The following FBXL17 variants were observed in gnomAD, a reference collection of about 807,000 sequenced individuals.
FBXL17 encodes F-box/LRR-repeat protein 17.
A neutral mutation model predicts 66.2 loss-of-function variants in FBXL17; 22 were observed. The observed-to-expected ratio is 0.33, with a 90% CI of 0.24 to 0.47. The LOEUF (loss-of-function observed/expected upper bound fraction) is 0.47, where lower values mean the gene tolerates loss of function less well. FBXL17 is among the 20% of genes least tolerant of loss of function. FBXL17 has a pLI of 1.00. For missense variants in FBXL17, 878 were observed against 948.2 expected, an observed-to-expected ratio of 0.93 and a Z score of 0.97; for synonymous variants, 474 against 400.5, an observed-to-expected ratio of 1.18 and a Z score of -2.19.
chr5:108,043,055 ACG>A (rs1374235882), intron 6 of FBXL17, among the ~76,000 whole-genome samples: 2 of 152,170 alleles, frequency 1.3e-5, no homozygotes, highest in Non-Finnish European at 2.9e-5. Context: ...TATGTCATTT[ACG>A]CATTTTCTAA....
At chr5:108,170,079 T>C (rs762436758) in intron 6 of FBXL17, among the ~76,000 whole-genome samples, 10 of 152,134 alleles carry the variant, frequency 6.6e-5, no homozygotes, top group Non-Finnish European at 1.3e-4. Flanking sequence ...TATTCACACA[T>C]AGCAAAATAT....
chr5:108,194,916 T>G (rs1471947735), intron 5 of FBXL17, among the ~76,000 whole-genome samples: 1 of 152,226 alleles, frequency 6.6e-6, no homozygotes, highest in Non-Finnish European at 1.5e-5. Flanking sequence ...TGGTAACCAC[T>G]GCTCTGGTGC....
In FBXL17 at chr5:108,154,614, TATACACAC is replaced by T. The variant is rs1234752217; in HGVS notation, c.1745+31495_1745+31502del. Among the ~76,000 whole-genome samples the T allele has an allele frequency of 2.6e-3, 251 of 98,292 alleles. 3 individuals are homozygous for T. The highest frequency in any genetic ancestry group is 8.9e-3 in the African/African-American group (239 of 26,772). 64.5% of individuals were successfully genotyped at this position (98,292 alleles called of 152,430 possible). A position where few individuals can be genotyped will look rare whatever the true frequency, so the allele number is the denominator to read the frequency against. On this transcript the variant is annotated intron_variant, in intron 6 of 8. Coordinates refer to ENST00000542267, the MANE Select transcript of FBXL17 (RefSeq NM_001163315.3). ...TCAAAAAAAAAAAAAAAAATATATA[TATACACAC>T]ACACACACACACACACACACACACA... is the stretch of plus-strand genomic sequence containing the variant.
At chr5:108,068,313 G>A (rs892717496) in intron 6 of FBXL17, among the ~76,000 whole-genome samples, 2 of 151,852 alleles carry the variant, frequency 1.3e-5, no homozygotes, top group African/African-American at 2.4e-5. Flanking sequence ...CTTATTCTAC[G>A]GAATATCAAA....
chr5:107,940,825 A>C (rs906802952), intron 7 of FBXL17, among the ~76,000 whole-genome samples: 3 of 152,188 alleles, frequency 2.0e-5, no homozygotes, highest in African/African-American at 4.8e-5. Flanking sequence ...AATCACCTGG[A>C]GAACTTTGAA....
chr5:108,064,552 A>T (rs1417010370), intron 6 of FBXL17, among the ~76,000 whole-genome samples: 4 of 152,104 alleles, frequency 2.6e-5, no homozygotes, highest in Admixed American at 2.6e-4. Flanking sequence ...GCCTAGTCTT[A>T]CCTCTGCACT....
At chr5:107,936,551 A>ACTTTTCTTTTGTC (rs1250204692) in intron 7 of FBXL17, among the ~76,000 whole-genome samples, 44 of 105,022 alleles carry the variant, frequency 4.2e-4, no homozygotes, top group African/African-American at 1.5e-3. Context: ...AGATTTAACA[A>ACTTTTCTTTTGTC]CTATTCTTGA....
intron 3 of FBXL17, among the ~76,000 whole-genome samples, chr5:108,355,592 T>TA (rs1747937502): frequency 6.6e-6 from 1 of 152,122 alleles, no homozygotes; most frequent in Non-Finnish European, 1.5e-5. Flanking sequence ...CAGAAAACTT[T>TA]AAAATATTTT....
rs1271061855 is a variant in FBXL17, at chr5:108,381,017, GCCGCCGCCGCCGCCGCAGCCC to G, written c.654_674del (p.Cys220_Gly226del). On this transcript the variant is annotated inframe_deletion, in exon 1 of 9. Coordinates refer to ENST00000542267, the MANE Select transcript of FBXL17 (RefSeq NM_001163315.3). ...CCGCAGGCCCTCCCCCGCCACCGCC[GCCGCCGCCGCCGCCGCAGCCC>G]CCGCCGCCGCAGCGGGGCTGCTTGC... The G allele has an allele frequency of 1.4e-5, 16 of 1,176,420 alleles. No individual in the cohort carries two copies. Among genetic ancestry groups the G allele is most frequent in the East Asian group, 3.6e-5 (1 of 27,424 alleles). 72.9% of individuals were successfully genotyped at this position (1,176,420 alleles called of 1,614,324 possible). A position where few individuals can be genotyped will look rare whatever the true frequency, so the allele number is the denominator to read the frequency against.
At chr5:107,948,453 G>A (rs1012287670) in intron 7 of FBXL17, among the ~76,000 whole-genome samples, 3 of 152,032 alleles carry the variant, frequency 2.0e-5, no homozygotes, top group South Asian at 2.1e-4. Flanking sequence ...AACAGACCTC[G>A]AACCATGTAC....
At chr5:108,340,107 T>C (rs909776606) in intron 4 of FBXL17, among the ~76,000 whole-genome samples, 5 of 151,750 alleles carry the variant, frequency 3.3e-5, no homozygotes, top group Admixed American at 1.3e-4. Context: ...TCCACTTATG[T>C]TCCTGCCAAG....
rs552933453 is a variant in FBXL17, at chr5:107,899,392, G to C, written c.1823-18213C>G. On this transcript the variant is annotated intron_variant, in intron 7 of 8. Transcript: ENST00000542267. ...GGCTGGGCTCACACCTGTAATCCCA[G>C]CACTCCAGGAGGCCGAGGCGAGAGG... Among the ~76,000 whole-genome samples the C allele has an allele frequency of 3.3e-5, 5 of 152,268 alleles. No individual in the cohort carries two copies. The East Asian group carries it at 9.7e-4, about 29-fold the overall frequency.
At chr5:108,113,186 C>G (rs1227531522) in intron 6 of FBXL17, among the ~76,000 whole-genome samples, 1 of 152,160 alleles carries the variant, frequency 6.6e-6, no homozygotes, top group Non-Finnish European at 1.5e-5. Flanking sequence ...GCATCAGAGA[C>G]ATGCATTCCC....
chr5:108,218,013 TTTC>T (rs1211933121), intron 5 of FBXL17, among the ~76,000 whole-genome samples: 2 of 141,710 alleles, frequency 1.4e-5, no homozygotes, highest in South Asian at 2.3e-4. Context: ...TCTAATTTTT[TTTC>T]TTTTTTTTTT....
chr5:108,179,882 C>A (rs1752934959), intron 6 of FBXL17, among the ~76,000 whole-genome samples: 1 of 152,036 alleles, frequency 6.6e-6, no homozygotes, highest in Non-Finnish European at 1.5e-5. Flanking sequence ...TATGAAATAT[C>A]TAAAATTCTC....
At chr5:108,361,481 A>G (rs907892632) in intron 3 of FBXL17, among the ~76,000 whole-genome samples, 6 of 152,124 alleles carry the variant, frequency 3.9e-5, no homozygotes, top group Admixed American at 3.9e-4. Flanking sequence ...ACACAGTGAT[A>G]AAGTTTACAG....
At chr5:107,887,220 T>C (rs1238419129) in intron 7 of FBXL17, among the ~76,000 whole-genome samples, 2 of 151,902 alleles carry the variant, frequency 1.3e-5, no homozygotes, top group Non-Finnish European at 2.9e-5. Context: ...AAACAAGGAG[T>C]AAAAAAAGTA....
chr5:108,284,517 A>AGT (rs1305286370), intron 4 of FBXL17, among the ~76,000 whole-genome samples: 1 of 151,866 alleles, frequency 6.6e-6, no homozygotes, highest in East Asian at 1.9e-4. Context: ...ATGGATGTAG[A>AGT]GTGTGGAACA....
rs147422309 is a variant in FBXL17 at position 108,379,864 on chromosome 5, T to C, written c.993+835A>G. ...ACACAAACTTCATGCAGGACACCCA[T>C]CTCCCAACAAAAAATACATCTGTGC... is the stretch of plus-strand genomic sequence containing the variant. On this transcript the variant is annotated intron_variant, in intron 1 of 8. Coordinates refer to ENST00000542267, the MANE Select transcript of FBXL17 (RefSeq NM_001163315.3). Among the ~76,000 whole-genome samples, 69 of 152,318 alleles carry C rather than the reference T, an allele frequency of 4.5e-4. 1 individual carries two copies. In the East Asian group the frequency reaches 0.012, roughly 26 times the overall value.
Sources: allele counts gnomAD v4.1 joint callset (sites outside exome capture counted in the v4.1 genomes callset), GRCh38; gene constraint gnomAD v4.1.1; transcripts MANE v1.5; gene names NCBI Gene and HGNC (gene_info 2026-07-23, HGNC 2026-07-21).